SUN5: variants seen among roughly 807,000 people sequenced by gnomAD.
SUN5 encodes SUN domain-containing protein 5.
A neutral mutation model predicts 53.7 loss-of-function variants in SUN5; 44 were observed. That is an observed-to-expected ratio of 0.82 (90% CI 0.64 to 1.05). The LOEUF is 1.05. SUN5 is among the 50% of genes least tolerant of loss of function. SUN5 has a pLI of 0.00. For synonymous variants in SUN5, 166 were observed against 179.8 expected, an observed-to-expected ratio of 0.92 and a Z score of 0.62; for missense variants, 433 against 483.8, an observed-to-expected ratio of 0.90 and a Z score of 0.98.
chr20:32,992,851 A>G (rs1241462177), intron 8 of SUN5, among the ~76,000 whole-genome samples: 3 of 152,248 alleles, frequency 2.0e-5, no homozygotes, highest in Non-Finnish European at 4.4e-5. Flanking sequence ...TTAAAGCCAT[A>G]GTGAGATACC....
rs1989829573 is a variant in SUN5, at chr20:32,995,689, A to G, written c.464T>C (p.Ile155Thr). 1 of 1,614,012 alleles carries G rather than the reference A, an allele frequency of 6.2e-7. No individual in the cohort carries two copies. Among genetic ancestry groups the G allele is most frequent in the East Asian group, 2.2e-5 (1 of 44,890 alleles). The change falls in exon 8 of 13, where the codon ATC becomes ACC. Residue 155 changes from isoleucine to threonine, a missense_variant. Transcript: ENST00000356173. ...GTTCATGCTACCTCGGAGGTCCTGGATTTCCCCACTGTGATGTCGCACCTT... is the reference window on the plus strand; with the variant it reads ...GTTCATGCTACCTCGGAGGTCCTGGGTTTCCCCACTGTGATGTCGCACCTT... ...QEKVRHHSGE[I>T]QDLRGSMNQL...
chr20:33,001,500 A>G (rs1055164382), intron 3 of SUN5, among the ~76,000 whole-genome samples: 3 of 44,138 alleles, frequency 6.8e-5, no homozygotes, highest in Admixed American at 1.9e-4. Flanking sequence ...CTGGCAGTTA[A>G]CAGACATTTT....
chr20:32,991,961 A>C (rs1989721936), intron 8 of SUN5, among the ~76,000 whole-genome samples: 1 of 152,242 alleles, frequency 6.6e-6, no homozygotes, highest in South Asian at 2.1e-4. Flanking sequence ...CGTTGCGCAC[A>C]GCAGAAAGGT....
chr20:33,002,988 A>T, intron 1 of SUN5, 69 bp from the exon 2 acceptor site: 3 of 1,539,766 alleles, frequency 1.9e-6, no homozygotes, highest in Non-Finnish European at 2.7e-6. Flanking sequence ...GAATGTGCAT[A>T]CCACGTTCCA....
At chr20:32,985,005 T>C in intron 12 of SUN5, 94 bp downstream of exon 12, 1 of 1,329,514 alleles carries the variant, frequency 7.5e-7, no homozygotes, top group Non-Finnish European at 1.1e-6. Flanking sequence ...GGGCACCTCC[T>C]GGGGATACTG....
intron 8 of SUN5, among the ~76,000 whole-genome samples, chr20:32,991,564 C>T (rs369048760): frequency 2.0e-5 from 3 of 152,120 alleles, no homozygotes; most frequent in Admixed American, 6.5e-5. Context: ...TAAGTCATAG[C>T]GGGGCTTCCC....
At chr20:33,001,903 T>C (rs1990059507) in intron 3 of SUN5, among the ~76,000 whole-genome samples, 1 of 152,094 alleles carries the variant, frequency 6.6e-6, no homozygotes, top group Non-Finnish European at 1.5e-5. Flanking sequence ...CTGCCCGCCT[T>C]GGCCTCCCAA....
In SUN5 at chr20:33,004,418, A is replaced by C; in HGVS notation, c.-78T>G. 1 of 1,460,628 alleles carries C rather than the reference A, an allele frequency of 6.8e-7. No individual in the cohort carries two copies. Among genetic ancestry groups the C allele is most frequent in the Non-Finnish European group, 9.1e-7 (1 of 1,101,858 alleles). The allele number at this position is 1,460,628 out of a possible 1,614,324, so 90.5% of individuals were successfully genotyped here. On this transcript the variant is annotated 5_prime_UTR_variant, in exon 1 of 13. Transcript: ENST00000356173. ...AGGAGGAAGGGGCTGATGCCTCTGA[A>C]TGTCCCCTGAAAAGTGCCAAGTGGA...
chr20:32,985,126 T>A lies in SUN5; in HGVS notation c.957A>T (p.Glu319Asp). 1 of 1,614,100 alleles carries A rather than the reference T, an allele frequency of 6.2e-7. No individual in the cohort carries two copies. The highest frequency in any genetic ancestry group is 8.5e-7 in the Non-Finnish European group (1 of 1,179,996). Residue 319 changes from glutamate (E) to aspartate (D), a missense_variant, in exon 12 of 13, where the codon GAA becomes GAT. Glu to Asp is a conservative substitution (Grantham distance 45, BLOSUM62 2). Transcript: ENST00000356173. ...VFLGAFQFQP[E>D]NIIQMFPLQN... is the part of the protein sequence containing the mutation. Reference sequence around the variant, plus strand: ...GGAGTGGGAACATCTGGATGATGTTTTCTGGCTGAAACTGAAATGCCCCCA... The same window carrying A: ...GGAGTGGGAACATCTGGATGATGTTATCTGGCTGAAACTGAAATGCCCCCA...
intron 12 of SUN5, 71 bp downstream of exon 12, chr20:32,985,028 G>T: frequency 6.7e-7 from 1 of 1,503,534 alleles, no homozygotes; most frequent in Non-Finnish European, 9.2e-7. Flanking sequence ...GGATGAAGAG[G>T]GGGTCCCTGG....
chr20:32,999,961 C>A (rs1343398442), intron 5 of SUN5, 113 bp downstream of exon 5: 2 of 1,556,240 alleles, frequency 1.3e-6, no homozygotes, highest in African/African-American at 1.4e-5. Flanking sequence ...ACCCATCAGG[C>A]AGATGGGGAA....
rs760457923 is a variant in SUN5, at chr20:32,985,748, G to C, written c.885C>G (p.Asp295Glu). Residue 295 changes from aspartate (D) to glutamate (E), a missense_variant, in exon 11 of 13, where the codon GAC (aspartate) becomes GAG (glutamate). Transcript: ENST00000356173. ...GGGGAGTGCTCACATAGATGACGAA[G>C]TCCTTGGGGGCGGTGTCCAGGCTGC... ...LSGSLDTAPKDFVIYGMEGSP... is the reference protein window; with the variant it reads ...LSGSLDTAPKEFVIYGMEGSP... 6.2e-6 allele frequency: 10 copies of C among 1,613,890 alleles called. No homozygotes were observed. Among genetic ancestry groups the C allele is most frequent in the Non-Finnish European group, 1.7e-6 (2 of 1,179,948 alleles).
intron 8 of SUN5, among the ~76,000 whole-genome samples, chr20:32,991,137 C>T (rs537613137): frequency 7.2e-5 from 11 of 152,270 alleles, no homozygotes; most frequent in East Asian, 1.9e-4. Flanking sequence ...TCCCTGATGG[C>T]CCCCACCCTT....
rs1990128644 is a variant in SUN5 at position 33,004,289 on chromosome 20, C to T, written c.52G>A (p.Val18Met). Residue 18 changes from valine (V) to methionine (M), a missense_variant, in exon 1 of 13, where the codon GTG becomes ATG. Physicochemically the swap from Val to Met is conservative, Grantham distance 21. Transcript: ENST00000356173. ...PGDPGALLED[V>M]AHNPRPRRIA... ...CTCCGGGGTCTGGGATTGTGGGCCA[C>T]ATCTTCGAGTAGGGCGCCTGGGTCC... 2 of 1,579,766 alleles carry T rather than the reference C, an allele frequency of 1.3e-6. No individual in the cohort carries two copies. The highest frequency in any genetic ancestry group is 4.6e-5 in the East Asian group (2 of 43,326).
intron 9 of SUN5, 42 bp downstream of exon 9, chr20:32,989,578 G>A (rs1319357010): frequency 6.4e-7 from 1 of 1,571,574 alleles, no homozygotes; most frequent in South Asian, 1.1e-5. Context: ...AGCTTCCCAG[G>A]ACACTTGAGG....
At chr20:32,988,124 C>T (rs1168536272) in intron 9 of SUN5, among the ~76,000 whole-genome samples, 1 of 152,142 alleles carries the variant, frequency 6.6e-6, no homozygotes. Context: ...CGTCATAGGG[C>T]TGCTGTGGCG....
In SUN5 at chr20:32,988,914, T is replaced by C. The variant is rs573940321; in HGVS notation, c.613+706A>G. ...CTGAAGCACTGATTCTTTTTTTTATTATTATTATTTTACTTTTTTTATTTT... is the reference window on the plus strand; with the variant it reads ...CTGAAGCACTGATTCTTTTTTTTATCATTATTATTTTACTTTTTTTATTTT... On this transcript the variant is annotated intron_variant, in intron 9 of 12. Coordinates refer to ENST00000356173, the MANE Select transcript of SUN5 (RefSeq NM_080675.4). 2.7e-5 allele frequency among the ~76,000 whole-genome samples: 4 copies of C among 149,792 alleles called. No homozygotes were observed. In the South Asian group the frequency reaches 8.5e-4, roughly 32 times the overall value.
At chr20:32,995,349 G>A (rs1169924915) in intron 8 of SUN5, among the ~76,000 whole-genome samples, 3 of 152,134 alleles carry the variant, frequency 2.0e-5, no homozygotes, top group Non-Finnish European at 4.4e-5. Context: ...ATAGAGTGGT[G>A]GGCTTCCTTC....
rs769146000 is a variant in SUN5, at chr20:32,983,923, C to A, written c.1011G>T (p.Ala337=). 3 of 1,591,728 alleles carry A rather than the reference C, an allele frequency of 1.9e-6. No individual in the cohort carries two copies. Among genetic ancestry groups the A allele is most frequent in the African/African-American group, 2.7e-5 (2 of 74,382 alleles). ...LQNQPARAFS[A]VKVKISSNWG... is the part of the protein sequence containing the mutation. The stretch of plus-strand genomic sequence containing the variant: ...AGTTGCTTGAGATCTTCACCTTGAC[C>A]GCACTGAAAGCCCGGGCCGGCTGGT... The change falls in exon 13 of 13, where the codon GCG becomes GCT. Residue 337 remains alanine (A), a synonymous_variant. Coordinates refer to ENST00000356173, the MANE Select transcript of SUN5 (RefSeq NM_080675.4).
Sources: allele counts gnomAD v4.1 joint callset (sites outside exome capture counted in the v4.1 genomes callset), GRCh38; gene constraint gnomAD v4.1.1; transcripts MANE v1.5; gene names NCBI Gene and HGNC (gene_info 2026-07-23, HGNC 2026-07-21).